The following SPATA17 variants were observed in gnomAD, a reference collection of about 807,000 sequenced individuals.
SPATA17 encodes spermatogenesis associated 17.
A neutral mutation model predicts 62.2 loss-of-function variants in SPATA17; 53 were observed. The observed-to-expected ratio is 0.85, with a 90% CI of 0.68 to 1.07. The LOEUF (loss-of-function observed/expected upper bound fraction) is 1.07, where lower values mean the gene tolerates loss of function less well. Among genes scored for constraint, SPATA17 ranks in the 50% least tolerant of loss-of-function variants. The probability of loss-of-function intolerance (pLI) is 0.00; values close to 1 mark genes in which losing one functional copy is unlikely to be tolerated. For missense variants in SPATA17, 466 were observed against 425.5 expected (o/e 1.10, Z -0.84); for synonymous variants, 146 against 146.8 (o/e 0.99, Z 0.04).
chr1:217,708,231 C>T (rs1671779994), intron 5 of SPATA17, among the ~76,000 whole-genome samples: 1 of 151,884 alleles, frequency 6.6e-6, no homozygotes, highest in Non-Finnish European at 1.5e-5. Context: ...GAAGTTGAAA[C>T]AAAACATGAT....
At chr1:217,660,503 G>A (rs1670542322) in intron 3 of SPATA17, among the ~76,000 whole-genome samples, 1 of 152,134 alleles carries the variant, frequency 6.6e-6, no homozygotes, top group South Asian at 2.1e-4. Context: ...GTGCCAGGGT[G>A]GATTGTATTC....
At chr1:217,640,076 AATTT>A (rs1315759282) in intron 1 of SPATA17, among the ~76,000 whole-genome samples, 1 of 149,766 alleles carries the variant, frequency 6.7e-6, no homozygotes, top group East Asian at 1.9e-4. Flanking sequence ...AATTATTTAT[AATTT>A]ATTTATAATA....
At chr1:217,810,709 C>T (rs11586144) in intron 9 of SPATA17, among the ~76,000 whole-genome samples, 17,903 of 151,976 alleles carry the variant, frequency 0.12, 1,139 homozygotes, top group Non-Finnish European at 0.14. Context: ...TCTGCATGGC[C>T]GGGGAAGCCT....
In SPATA17 at chr1:217,637,603, A is replaced by G. The variant is rs185986112; in HGVS notation, c.68+6157A>G. On this transcript the variant is annotated intron_variant, in intron 1 of 10. Coordinates refer to ENST00000366933, the MANE Select transcript of SPATA17 (RefSeq NM_138796.4). ...ATAAATTTGTTTCTGACTCTGACAT[A>G]GTAAATTGACTGTAGTTCCTCCTGT... Among the ~76,000 whole-genome samples the G allele has an allele frequency of 2.6e-5, 4 of 152,328 alleles. No homozygotes were observed. In the East Asian group the frequency reaches 7.7e-4, roughly 29 times the overall value.
chr1:217,645,065 G>T lies in SPATA17; in HGVS notation c.69-3817G>T, dbSNP rs73107318. ...CATCTGTAAATTTTGTTTTTAAGCA[G>T]TTAAAAAAAGGGCAACAGAGAAACA... On this transcript the variant is annotated intron_variant, in intron 1 of 10. Transcript: ENST00000366933. Among the ~76,000 whole-genome samples the T allele has an allele frequency of 8.1e-3, 1,234 of 151,916 alleles. 14 individuals are homozygous for T. Among genetic ancestry groups the T allele is most frequent in the African/African-American group, 0.022 (926 of 41,446 alleles).
At chr1:217,835,969 G>A (rs1397006865) in intron 9 of SPATA17, among the ~76,000 whole-genome samples, 1 of 151,936 alleles carries the variant, frequency 6.6e-6, no homozygotes, top group African/African-American at 2.4e-5. Flanking sequence ...CTCACTGGAG[G>A]ATCATTTCCT....
intron 1 of SPATA17, among the ~76,000 whole-genome samples, chr1:217,644,620 A>G (rs1361521291): frequency 6.6e-6 from 1 of 152,068 alleles, no homozygotes. Flanking sequence ...TACTGGAAAG[A>G]TATTTAACTA....
chr1:217,816,589 T>C (rs956642719), intron 9 of SPATA17, among the ~76,000 whole-genome samples: 1 of 151,922 alleles, frequency 6.6e-6, no homozygotes. Context: ...CTTCTGAATA[T>C]AAAGTTTGCT....
intron 9 of SPATA17, among the ~76,000 whole-genome samples, chr1:217,811,542 A>G (rs996495300): frequency 6.6e-6 from 1 of 152,076 alleles, no homozygotes; most frequent in African/African-American, 2.4e-5. Context: ...AACTTACAAA[A>G]ATTAGCTGGG....
chr1:217,762,254 C>T (rs776973866), intron 6 of SPATA17, among the ~76,000 whole-genome samples: 42 of 152,280 alleles, frequency 2.8e-4, no homozygotes, highest in Non-Finnish European at 5.6e-4. Context: ...TTGCTAGCTA[C>T]GACCTCTTTT....
intron 9 of SPATA17, among the ~76,000 whole-genome samples, chr1:217,826,125 A>C (rs867445472): frequency 7.2e-5 from 11 of 152,098 alleles, no homozygotes; most frequent in African/African-American, 2.7e-4. Flanking sequence ...GCAGGCTCTA[A>C]CTCCAAGCTC....
Position 217,709,456 on chromosome 1 carries a change from G to A in SPATA17, c.395+26095G>A, listed in dbSNP as rs192922869. 3.5e-3 allele frequency among the ~76,000 whole-genome samples: 530 copies of A among 152,186 alleles called. 3 individuals are homozygous for A. Among genetic ancestry groups the A allele is most frequent in the Non-Finnish European group, 5.2e-3 (353 of 68,028 alleles). On this transcript the variant is annotated intron_variant, in intron 5 of 10. Transcript: ENST00000366933. The stretch of plus-strand genomic sequence containing the variant: ...GTTGGCTGATGGTGTCCCTCAGATT[G>A]TTGCCATATGGATCTTACCATCAGG...
At chr1:217,812,091 T>G (rs1158098851) in intron 9 of SPATA17, among the ~76,000 whole-genome samples, 1 of 152,172 alleles carries the variant, frequency 6.6e-6, no homozygotes, top group African/African-American at 2.4e-5. Context: ...GCAAGTATAT[T>G]TGGCTTCTGT....
At chr1:217,857,012 G>T (rs983634543) in intron 9 of SPATA17, among the ~76,000 whole-genome samples, 2 of 152,126 alleles carry the variant, frequency 1.3e-5, no homozygotes, top group Non-Finnish European at 2.9e-5. Context: ...TTCTTGCCAT[G>T]CTCCTTTTTT....
At chr1:217,771,090 C>T (rs1292288653) in intron 6 of SPATA17, among the ~76,000 whole-genome samples, 1 of 146,848 alleles carries the variant, frequency 6.8e-6, no homozygotes, top group Non-Finnish European at 1.5e-5. Context: ...CACTGGGCCA[C>T]CAGTCAGCAG....
intron 4 of SPATA17, among the ~76,000 whole-genome samples, chr1:217,679,252 G>A (rs554049232): frequency 1.3e-4 from 20 of 152,174 alleles, no homozygotes; most frequent in South Asian, 2.1e-4. Flanking sequence ...TGGAAAGAGC[G>A]GGCTTTGGAG....
chr1:217,705,663 T>A (rs948053273), intron 5 of SPATA17, among the ~76,000 whole-genome samples: 2 of 152,154 alleles, frequency 1.3e-5, no homozygotes, highest in African/African-American at 4.8e-5. Context: ...ATGGCCTTGA[T>A]TTCTTGACCT....
intron 5 of SPATA17, among the ~76,000 whole-genome samples, chr1:217,690,989 C>A (rs1395320482): frequency 3.4e-5 from 5 of 147,024 alleles, no homozygotes; most frequent in Admixed American, 2.7e-4. Flanking sequence ...ATTTATAGTC[C>A]TTTGGGTATA....
At chr1:217,840,008 G>A (rs1185778309) in intron 9 of SPATA17, among the ~76,000 whole-genome samples, 7 of 151,632 alleles carry the variant, frequency 4.6e-5, no homozygotes, top group Admixed American at 2.6e-4. Flanking sequence ...TAATCTTGTC[G>A]AAAAAAAGGA....
Sources: gnomAD v4.1 joint callset for allele counts (sites outside exome capture counted in the v4.1 genomes callset) on GRCh38, gnomAD v4.1.1 for gene constraint, MANE v1.5 for transcripts, NCBI Gene and HGNC (gene_info 2026-07-23, HGNC 2026-07-21) for gene names.